The following RIC8B variants were observed in gnomAD, a reference collection of about 807,000 sequenced individuals.
RIC8B encodes the protein RIC8 guanine nucleotide exchange factor B.
RIC8B carries 16 observed loss-of-function variants against 57.5 expected under a neutral mutation model. The ratio of observed to expected loss-of-function variants is 0.28; its 90% CI spans 0.19 to 0.42. RIC8B has a LOEUF of 0.42. Among genes scored for constraint, RIC8B ranks in the 10% least tolerant of loss-of-function variants. The probability of loss-of-function intolerance (pLI) is 1.00; values close to 1 mark genes in which losing one functional copy is unlikely to be tolerated. For synonymous variants in RIC8B, 216 were observed against 250.8 expected, an observed-to-expected ratio of 0.86 and a Z score of 1.31; for missense variants, 481 against 677.0, an observed-to-expected ratio of 0.71 and a Z score of 3.21.
chr12:106,874,706 A>G (rs1950589168), intron 9 of RIC8B: 2 of 604,966 alleles, frequency 3.3e-6, no homozygotes, highest in South Asian at 2.0e-5. Context: ...CGCTGCCTCA[A>G]GGAGCTCATC....
Position 106,855,432 on chromosome 12 carries a change from A to T in RIC8B, c.1306+3838A>T, listed in dbSNP as rs954165114. On this transcript the variant is annotated intron_variant, in intron 7 of 9. Coordinates refer to ENST00000392837, the MANE Select transcript of RIC8B (RefSeq NM_001330145.2). ...TGTCCTTCACTGCTTAACATCTTGA[A>T]AAACTAGTCCTCAACTTGCTGCAAG... 1.8e-4 allele frequency among the ~76,000 whole-genome samples: 2 copies of T among 11,208 alleles called. 1 individual carries two copies. The highest frequency in any genetic ancestry group is 2.2e-3 in the African/African-American group (2 of 922). The allele number at this position is 11,208 out of a possible 152,430, so 7.4% of individuals were successfully genotyped here. A position where few individuals can be genotyped will look rare whatever the true frequency, so the allele number is the denominator to read the frequency against.
intron 2 of RIC8B, among the ~76,000 whole-genome samples, chr12:106,795,204 T>G (rs1198028773): frequency 6.6e-6 from 1 of 152,180 alleles, no homozygotes; most frequent in Non-Finnish European, 1.5e-5. Flanking sequence ...TTATTGGATT[T>G]GTAATTTTTA....
At chr12:106,815,629 AC>A (rs2045540182) in intron 3 of RIC8B, among the ~76,000 whole-genome samples, 1 of 152,232 alleles carries the variant, frequency 6.6e-6, no homozygotes, top group Admixed American at 6.5e-5. Context: ...TTGAGGGGAA[AC>A]AAAACAATGT....
At chr12:106,863,087 C>T (rs1012120209) in intron 8 of RIC8B, among the ~76,000 whole-genome samples, 5 of 152,106 alleles carry the variant, frequency 3.3e-5, no homozygotes, top group African/African-American at 4.8e-5. Context: ...GGTCCCTTGA[C>T]TGTAAAGGTG....
intron 1 of RIC8B, among the ~76,000 whole-genome samples, chr12:106,777,663 G>T (rs2043555466): frequency 6.6e-6 from 1 of 152,122 alleles, no homozygotes; most frequent in Admixed American, 6.5e-5. Flanking sequence ...GATAAACTTG[G>T]TTCAAATCCC....
At chr12:106,845,750 C>T (rs970385608) in intron 6 of RIC8B, among the ~76,000 whole-genome samples, 3 of 152,088 alleles carry the variant, frequency 2.0e-5, no homozygotes, top group African/African-American at 7.2e-5. Context: ...GTTCTCTGTA[C>T]TCACTCTCTC....
intron 4 of RIC8B, among the ~76,000 whole-genome samples, chr12:106,833,256 CAT>C (rs981632733): frequency 2.1e-4 from 32 of 152,096 alleles, no homozygotes; most frequent in African/African-American, 7.7e-4. Flanking sequence ...AAAGGGATAA[CAT>C]AGAGATTAAT....
chr12:106,873,315 G>A, intron 9 of RIC8B: 2 of 336,720 alleles, frequency 5.9e-6, no homozygotes, highest in Non-Finnish European at 8.4e-6. Flanking sequence ...CATGACGTGT[G>A]TTGGGCGTTT....
At chr12:106,836,896 G>A (rs2046624648) in intron 4 of RIC8B, among the ~76,000 whole-genome samples, 1 of 152,176 alleles carries the variant, frequency 6.6e-6, no homozygotes, top group African/African-American at 2.4e-5. Flanking sequence ...TGGTGGGTCA[G>A]CCACACCAAC....
intron 2 of RIC8B, among the ~76,000 whole-genome samples, chr12:106,803,613 G>T (rs894986565): frequency 6.6e-6 from 1 of 151,954 alleles, no homozygotes; most frequent in Non-Finnish European, 1.5e-5. Context: ...CTTTCTCTGT[G>T]CCCCTTTGTT....
intron 1 of RIC8B, among the ~76,000 whole-genome samples, chr12:106,780,130 C>T (rs1038213559): frequency 5.3e-5 from 8 of 152,022 alleles, no homozygotes; most frequent in Admixed American, 2.6e-4. Flanking sequence ...TTCTTTACAT[C>T]GCAGGCTATT....
chr12:106,833,804 CT>C, intron 4 of RIC8B, among the ~76,000 whole-genome samples: 1 of 152,160 alleles, frequency 6.6e-6, no homozygotes, highest in Admixed American at 6.5e-5. Context: ...GGAGGTGGGC[CT>C]AGTGGGAGGT....
intron 4 of RIC8B, among the ~76,000 whole-genome samples, chr12:106,831,986 T>G (rs538147001): frequency 6.6e-6 from 1 of 152,350 alleles, no homozygotes; most frequent in African/African-American, 2.4e-5. Flanking sequence ...CTCTTCTTTC[T>G]CTTCCTTAGA....
At chr12:106,798,257 T>C (rs559260186) in intron 2 of RIC8B, among the ~76,000 whole-genome samples, 28 of 152,296 alleles carry the variant, frequency 1.8e-4, no homozygotes, top group Admixed American at 2.6e-4. Flanking sequence ...CTGAGCAAAG[T>C]GCAGAAATTT....
At chr12:106,816,943 C>G (rs1465021010) in intron 3 of RIC8B, among the ~76,000 whole-genome samples, 5 of 152,094 alleles carry the variant, frequency 3.3e-5, no homozygotes, top group Non-Finnish European at 5.9e-5. Context: ...TATCTCTGAC[C>G]TAGTACCTGT....
intron 9 of RIC8B, among the ~76,000 whole-genome samples, chr12:106,881,704 A>G (rs1393668911): frequency 6.6e-6 from 1 of 152,174 alleles, no homozygotes; most frequent in African/African-American, 2.4e-5. Flanking sequence ...ACAGTCCAAT[A>G]TAACCAGGTC....
chr12:106,778,566 A>G (rs1216592808), intron 1 of RIC8B, among the ~76,000 whole-genome samples: 1 of 152,192 alleles, frequency 6.6e-6, no homozygotes, highest in African/African-American at 2.4e-5. Flanking sequence ...GTCATCTTAT[A>G]TTAATTCCTC....
chr12:106,792,225 A>G (rs1467507812), intron 2 of RIC8B, among the ~76,000 whole-genome samples: 1 of 152,204 alleles, frequency 6.6e-6, no homozygotes, highest in Non-Finnish European at 1.5e-5. Context: ...GGGCAGGATG[A>G]ATGCTTCACG....
intron 2 of RIC8B, among the ~76,000 whole-genome samples, chr12:106,800,339 G>T (rs1271487936): frequency 1.3e-5 from 2 of 151,062 alleles, no homozygotes; most frequent in African/African-American, 4.8e-5. Flanking sequence ...GACACCTTAT[G>T]TGGCTGAGCA....
Sources: gnomAD v4.1 joint callset for allele counts (sites outside exome capture counted in the v4.1 genomes callset) on GRCh38, gnomAD v4.1.1 for gene constraint, MANE v1.5 for transcripts, NCBI Gene and HGNC (gene_info 2026-07-23, HGNC 2026-07-21) for gene names.